PHACTR2: variants seen among roughly 807,000 people sequenced by gnomAD.
The protein encoded by PHACTR2 is phosphatase and actin regulator 2, also known as chromosome 6 open reading frame 56.
A neutral mutation model predicts 76.0 loss-of-function variants in PHACTR2; 30 were observed. That is an observed-to-expected ratio of 0.39 (90% CI 0.30 to 0.54). The LOEUF is 0.54. Among genes scored for constraint, PHACTR2 ranks in the 20% least tolerant of loss-of-function variants. The probability of loss-of-function intolerance (pLI) is 0.61; values close to 1 mark genes in which losing one functional copy is unlikely to be tolerated. For missense variants in PHACTR2, 696 were observed against 781.1 expected (o/e 0.89, Z 1.30); for synonymous variants, 292 against 292.5 (o/e 1.00, Z 0.02).
intron 2 of PHACTR2, among the ~76,000 whole-genome samples, chr6:143,729,519 G>C (rs1778655158): frequency 6.6e-6 from 1 of 152,080 alleles, no homozygotes; most frequent in Non-Finnish European, 1.5e-5. Flanking sequence ...TATGCAAGGG[G>C]TGAGGTTTGG....
At position 143,823,763 on chromosome 6, in the gene PHACTR2, T is replaced by G. The variant is rs1776477880; in HGVS notation, c.*74T>G. 1 of 1,163,228 alleles carries G rather than the reference T, an allele frequency of 8.6e-7. No homozygotes were observed. The highest frequency in any genetic ancestry group is 1.7e-5 in the Admixed American group (1 of 59,300). 72.1% of individuals were successfully genotyped at this position (1,163,228 alleles called of 1,614,324 possible). ...GCCCTGCTTCCTGAAAACCTGATATTGCACTGGGATTTGAATGTGTGTGTT... is the reference window on the plus strand; with the variant it reads ...GCCCTGCTTCCTGAAAACCTGATATGGCACTGGGATTTGAATGTGTGTGTT... On this transcript the variant is annotated 3_prime_UTR_variant, in exon 13 of 13. Coordinates refer to ENST00000440869, the MANE Select transcript of PHACTR2 (RefSeq NM_001100164.2). The surrounding 1 kb of genome is among the most constrained non-coding windows in gnomAD (Gnocchi z 5.7).
rs1175034033 is a variant in PHACTR2 at position 143,663,957 on chromosome 6, ATT to A, written c.14-48056_14-48055del. Among the ~76,000 whole-genome samples, 1 of 151,996 alleles carries A rather than the reference ATT, an allele frequency of 6.6e-6. No homozygotes were observed. Among genetic ancestry groups the A allele is most frequent in the East Asian group, 1.9e-4 (1 of 5,196 alleles). ...TGTTTAAATTCATGACCTTAAAAAT[ATT>A]TTGTTTTCATGATCTATTAGTTTTT... is the stretch of plus-strand genomic sequence containing the variant. On this transcript the variant is annotated intron_variant, in intron 1 of 11. Coordinates refer to the PHACTR2 transcript ENST00000305766. The surrounding 1 kb of genome is among the most constrained non-coding windows in gnomAD (Gnocchi z 4.1).
intron 1 of PHACTR2, among the ~76,000 whole-genome samples, chr6:143,587,002 T>A (rs9403516): frequency 0.71 from 107,863 of 152,044 alleles, 38,534 homozygotes; most frequent in Middle Eastern, 0.8. Flanking sequence ...CTATAATGGA[T>A]TAATTGTGTC....
At chr6:143,714,981 T>C (rs1778270464) in intron 2 of PHACTR2, among the ~76,000 whole-genome samples, 1 of 152,188 alleles carries the variant, frequency 6.6e-6, no homozygotes, top group African/African-American at 2.4e-5. Flanking sequence ...ACACAGTTGT[T>C]TCTCTAACTT....
rs769795529 is a variant in PHACTR2, at chr6:143,807,171, T to C, written c.1922+38T>C. ...ATGCAGCTTAGAAATTGAAAATGCT[T>C]AAGATGTGATCCCATGTTGAGTTGG... is the stretch of plus-strand genomic sequence containing the variant. On this transcript the variant is annotated intron_variant, in intron 12 of 12. Transcript: ENST00000440869. The surrounding 1 kb of genome is among the most constrained non-coding windows in gnomAD (Gnocchi z 5.5). 25 of 1,201,072 alleles carry C rather than the reference T, an allele frequency of 2.1e-5. No individual in the cohort carries two copies. In the East Asian group the frequency reaches 5.6e-4, roughly 27 times the overall value. 74.4% of individuals were successfully genotyped at this position (1,201,072 alleles called of 1,614,324 possible). A position where few individuals can be genotyped will look rare whatever the true frequency, so the allele number is the denominator to read the frequency against.
rs955119534 is a variant in PHACTR2, at chr6:143,683,355, T to C, written c.46+5146T>C. On this transcript the variant is annotated intron_variant, in intron 1 of 12. Transcript: ENST00000440869. This position sits in a 1 kb window ranked among gnomAD's most constrained non-coding sequence, Gnocchi z 4.1. ...AATGAGAGGTATGTATTTTTTATATTCTTTTTTTAGTCCAAGAATTACATT... is the reference window on the plus strand; with the variant it reads ...AATGAGAGGTATGTATTTTTTATATCCTTTTTTTAGTCCAAGAATTACATT... Among the ~76,000 whole-genome samples the C allele has an allele frequency of 1.3e-5, 2 of 152,222 alleles. No homozygotes were observed. The highest frequency in any genetic ancestry group is 4.8e-5 in the African/African-American group (2 of 41,472).
In PHACTR2 at chr6:143,578,397, G is replaced by A. The variant is rs6570566; in HGVS notation, c.217+41190G>A. 0.6 allele frequency among the ~76,000 whole-genome samples: 91,351 copies of A among 151,492 alleles called. 27,766 individuals are homozygous for A. The highest frequency in any genetic ancestry group is 0.75 in the Middle Eastern group (218 of 290). ...CCAGAAGTCAAGAGAATAGATACGT[G>A]GCATTAGGCTTTCCCCATAAGAAAG... On this transcript the variant is annotated intron_variant, in intron 1 of 11. Transcript: ENST00000367584. The surrounding 1 kb of genome is among the most constrained non-coding windows in gnomAD (Gnocchi z 4.5).
Position 143,624,993 on chromosome 6 carries a change from T to C in PHACTR2, c.13+16671T>C, listed in dbSNP as rs942090548. On this transcript the variant is annotated intron_variant, in intron 1 of 11. Coordinates refer to the PHACTR2 transcript ENST00000305766. This position sits in a 1 kb window ranked among gnomAD's most constrained non-coding sequence, Gnocchi z 4.6. ...CAACATGGTGAAAACCCGTATCTAC[T>C]GAAAATAGAAAAATTAGCTGAGCGT... 1.3e-5 allele frequency among the ~76,000 whole-genome samples: 2 copies of C among 152,162 alleles called. No homozygotes were observed. The highest frequency in any genetic ancestry group is 2.1e-4 in the South Asian group (1 of 4,824).
intron 2 of PHACTR2, among the ~76,000 whole-genome samples, chr6:143,715,374 T>C (rs1029811177): frequency 2.0e-5 from 3 of 152,200 alleles, no homozygotes; most frequent in Non-Finnish European, 2.9e-5. Context: ...TTAGCCCTTC[T>C]GTTGCTTTGA....
Position 143,549,558 on chromosome 6 carries a change from T to TG in PHACTR2, c.217+12357dup, listed in dbSNP as rs758718660. Among the ~76,000 whole-genome samples, 2 of 151,936 alleles carry TG rather than the reference T, an allele frequency of 1.3e-5. No homozygotes were observed. The highest frequency in any genetic ancestry group is 4.8e-5 in the African/African-American group (2 of 41,402). On this transcript the variant is annotated intron_variant, in intron 1 of 11. Coordinates refer to the PHACTR2 transcript ENST00000367584. The surrounding 1 kb of genome is among the most constrained non-coding windows in gnomAD (Gnocchi z 4.2). ...TGTTTGCCCAAGCCCAGGAACCTGCTGGGGGGTACTCAGCAGCTGCTAAGC... is the reference window on the plus strand; with the variant it reads ...TGTTTGCCCAAGCCCAGGAACCTGCTGGGGGGGTACTCAGCAGCTGCTAAGC...
At chr6:143,781,580 C>T (rs1012178420) in intron 9 of PHACTR2, among the ~76,000 whole-genome samples, 1 of 152,144 alleles carries the variant, frequency 6.6e-6, no homozygotes, top group Non-Finnish European at 1.5e-5. Context: ...TCAACAATAT[C>T]AACAATGTTA....
At position 143,581,752 on chromosome 6, in the gene PHACTR2, G is replaced by A. The variant is rs1433049005; in HGVS notation, c.217+44545G>A. On this transcript the variant is annotated intron_variant, in intron 1 of 11. Coordinates refer to the PHACTR2 transcript ENST00000367584. The surrounding 1 kb of genome is among the most constrained non-coding windows in gnomAD (Gnocchi z 4.5). ...AGGGTGAGGCAGGAGGATCACCTGA[G>A]CCTGGGAAAGTCGAGGCTGCAGTGA... Among the ~76,000 whole-genome samples the A allele has an allele frequency of 1.3e-5, 2 of 152,068 alleles. No individual in the cohort carries two copies. The highest frequency in any genetic ancestry group is 2.9e-5 in the Non-Finnish European group (2 of 67,990).
chr6:143,742,186 TAATG>T lies in PHACTR2; in HGVS notation c.215-6796_215-6793del, dbSNP rs142506874. Among the ~76,000 whole-genome samples the T allele has an allele frequency of 0.1, 15,637 of 152,084 alleles. 850 individuals carry two copies. Among genetic ancestry groups the T allele is most frequent in the African/African-American group, 0.14 (5,825 of 41,462 alleles). ...CACTGCTGATGAATCATGACAAACTTAATGAAAGAGAGAACTCATTGGCTCATGT... is the reference window on the plus strand; with the variant it reads ...CACTGCTGATGAATCATGACAAACTTAAAGAGAGAACTCATTGGCTCATGT... On this transcript the variant is annotated intron_variant, in intron 2 of 12. Transcript: ENST00000440869. The surrounding 1 kb of genome is among the most constrained non-coding windows in gnomAD (Gnocchi z 4.5).
intron 1 of PHACTR2, among the ~76,000 whole-genome samples, chr6:143,637,342 G>A (rs1351364541): frequency 6.6e-6 from 1 of 151,834 alleles, no homozygotes; most frequent in African/African-American, 2.4e-5. Flanking sequence ...GGAAGAAAAG[G>A]AAGGAAGGAA....
Position 143,816,131 on chromosome 6 carries a change from A to T in PHACTR2, c.1923-7543A>T, listed in dbSNP as rs1485135484. ...GGAGTCTCAGGAAAGTTCTGAAAAG[A>T]GGGTGGACAAAAGGCTTCAGTATCC... On this transcript the variant is annotated intron_variant, in intron 12 of 12. Coordinates refer to ENST00000440869, the MANE Select transcript of PHACTR2 (RefSeq NM_001100164.2). This position sits in a 1 kb window ranked among gnomAD's most constrained non-coding sequence, Gnocchi z 4.5. Among the ~76,000 whole-genome samples, 1 of 152,206 alleles carries T rather than the reference A, an allele frequency of 6.6e-6. No homozygotes were observed. The highest frequency in any genetic ancestry group is 2.4e-5 in the African/African-American group (1 of 41,458).
At chr6:143,779,394 G>A (rs1332989238) in intron 9 of PHACTR2, among the ~76,000 whole-genome samples, 1 of 150,630 alleles carries the variant, frequency 6.6e-6, no homozygotes. Context: ...CTGTTGCCCA[G>A]GCTGGAGGGC....
At position 143,761,709 on chromosome 6, in the gene PHACTR2, G is replaced by A. The variant is rs373885379; in HGVS notation, c.694+1069G>A. Among the ~76,000 whole-genome samples, 1 of 151,962 alleles carries A rather than the reference G, an allele frequency of 6.6e-6. No individual in the cohort carries two copies. Among genetic ancestry groups the A allele is most frequent in the Non-Finnish European group, 1.5e-5 (1 of 67,974 alleles). On this transcript the variant is annotated intron_variant, in intron 5 of 12. Transcript: ENST00000440869. The surrounding 1 kb of genome is among the most constrained non-coding windows in gnomAD (Gnocchi z 5.2). Reference sequence around the variant, plus strand: ...GCAGAAGTTGCGGTGAGCTGAGATCGCGCCACTGCACTCCAGCCTGGGCGA... The same window carrying A: ...GCAGAAGTTGCGGTGAGCTGAGATCACGCCACTGCACTCCAGCCTGGGCGA...
At chr6:143,560,647 A>G (rs1001443490) in intron 1 of PHACTR2, among the ~76,000 whole-genome samples, 2 of 152,164 alleles carry the variant, frequency 1.3e-5, no homozygotes, top group Non-Finnish European at 2.9e-5. Context: ...AATATGGGCT[A>G]TAGTAGGAGG....
intron 1 of PHACTR2, among the ~76,000 whole-genome samples, chr6:143,594,729 C>T (rs768967170): frequency 1.3e-5 from 2 of 152,224 alleles, no homozygotes; most frequent in Non-Finnish European, 2.9e-5. Flanking sequence ...CCTAGCCAGC[C>T]GCACATGGGC....
Sources: allele counts gnomAD v4.1 joint callset (sites outside exome capture counted in the v4.1 genomes callset), GRCh38; gene constraint gnomAD v4.1.1; non-coding constraint Gnocchi (gnomAD v3.1); transcripts MANE v1.5; gene names NCBI Gene and HGNC (gene_info 2026-07-23, HGNC 2026-07-21).